RBFOX1: variants seen among roughly 807,000 people sequenced by gnomAD.
RBFOX1 encodes the protein RNA binding protein fox-1 homolog 1.
In RBFOX1, 8 loss-of-function variants were observed where a neutral mutation model predicts 57.7. That is an observed-to-expected ratio of 0.14 (90% CI 0.08 to 0.25). The LOEUF (loss-of-function observed/expected upper bound fraction) is 0.25, where lower values mean the gene tolerates loss of function less well. Ranked by LOEUF, RBFOX1 falls within the 10% of genes least tolerant of loss-of-function variation. RBFOX1 has a pLI of 1.00. For missense variants in RBFOX1, 611 were observed against 548.5 expected (o/e 1.11, Z -1.14); for synonymous variants, 326 against 222.4 (o/e 1.47, Z -4.15).
intron 4 of RBFOX1, among the ~76,000 whole-genome samples, chr16:7,297,354 G>C (rs1330855972): frequency 6.6e-6 from 1 of 152,164 alleles, no homozygotes; most frequent in East Asian, 1.9e-4. Flanking sequence ...ACATATGCAG[G>C]TTTCCAACCT....
At chr16:6,460,491 G>C (rs1363359703) in intron 2 of RBFOX1, among the ~76,000 whole-genome samples, 1 of 151,066 alleles carries the variant, frequency 6.6e-6, no homozygotes, top group East Asian at 1.9e-4. Context: ...AAACATATGA[G>C]AAAAAGCTCA....
intron 1 of RBFOX1, among the ~76,000 whole-genome samples, chr16:5,271,231 G>A (rs945288245): frequency 6.6e-6 from 1 of 152,100 alleles, no homozygotes; most frequent in Non-Finnish European, 1.5e-5. Context: ...GCATGTGCCT[G>A]TAGTCTCAGC....
chr16:6,404,884 A>G (rs1168185974), intron 2 of RBFOX1, among the ~76,000 whole-genome samples: 5 of 152,238 alleles, frequency 3.3e-5, no homozygotes, highest in African/African-American at 7.2e-5. Context: ...GATCCCCGAT[A>G]TGGAAGGAAG....
intron 2 of RBFOX1, among the ~76,000 whole-genome samples, chr16:6,510,589 G>C (rs903309354): frequency 2.6e-5 from 4 of 152,156 alleles, no homozygotes; most frequent in African/African-American, 9.7e-5. Flanking sequence ...GAGAAGTCGG[G>C]AGGATGAAAG....
chr16:6,748,764 T>C (rs1322959515), intron 3 of RBFOX1: 1 of 152,178 alleles, frequency 6.6e-6, no homozygotes, highest in East Asian at 1.9e-4. Flanking sequence ...CTTAGATGTA[T>C]GATGAATTCT....
intron 2 of RBFOX1, among the ~76,000 whole-genome samples, chr16:6,398,391 A>T (rs1293342421): frequency 6.6e-6 from 1 of 152,160 alleles, no homozygotes; most frequent in African/African-American, 2.4e-5. Flanking sequence ...TTCTTCCACC[A>T]TTAACCCAAA....
At chr16:6,812,401 C>G (rs527536145) in intron 3 of RBFOX1, among the ~76,000 whole-genome samples, 1 of 152,010 alleles carries the variant, frequency 6.6e-6, no homozygotes, top group South Asian at 2.1e-4. Flanking sequence ...GAGACGGAGT[C>G]TGGGTCTTGT....
chr16:6,488,631 T>G (rs189369048), intron 2 of RBFOX1, among the ~76,000 whole-genome samples: 1 of 152,320 alleles, frequency 6.6e-6, no homozygotes, highest in Non-Finnish European at 1.5e-5. Flanking sequence ...TGAAGTTTAT[T>G]AATCTGAGTT....
At chr16:6,918,205 C>T (rs896154652) in intron 3 of RBFOX1, among the ~76,000 whole-genome samples, 6 of 151,632 alleles carry the variant, frequency 4.0e-5, no homozygotes, top group Non-Finnish European at 8.8e-5. Context: ...TCACTTGAAC[C>T]TGGGAGGTGG....
chr16:7,395,268 G>C (rs1376664850), intron 4 of RBFOX1, among the ~76,000 whole-genome samples: 1 of 152,056 alleles, frequency 6.6e-6, no homozygotes, highest in Non-Finnish European at 1.5e-5. Flanking sequence ...TTTTTACTGG[G>C]AGCCCCCAAC....
intron 4 of RBFOX1, among the ~76,000 whole-genome samples, chr16:7,180,967 G>A (rs561938955): frequency 2.6e-5 from 4 of 152,334 alleles, no homozygotes; most frequent in South Asian, 2.1e-4. Flanking sequence ...CAGCTTTGCA[G>A]TTGTAGAGAA....
At chr16:5,875,161 A>G (rs1306852111) in intron 4 of RBFOX1, among the ~76,000 whole-genome samples, 1 of 152,228 alleles carries the variant, frequency 6.6e-6, no homozygotes, top group Non-Finnish European at 1.5e-5. Flanking sequence ...GCCATCATTT[A>G]CCACATGTGA....
chr16:7,420,971 ATATG>A (rs2098537326), intron 4 of RBFOX1, among the ~76,000 whole-genome samples: 1 of 147,986 alleles, frequency 6.8e-6, no homozygotes. Context: ...ATATATATAT[ATATG>A]TAGTCCTGCG....
At chr16:7,697,334 C>T (rs980771123) in intron 14 of RBFOX1, among the ~76,000 whole-genome samples, 3 of 152,256 alleles carry the variant, frequency 2.0e-5, no homozygotes, top group South Asian at 4.1e-4. Flanking sequence ...ACTCCCCACT[C>T]TTGTTCTAAG....
At chr16:6,364,612 T>G (rs1298951928) in intron 2 of RBFOX1, among the ~76,000 whole-genome samples, 1 of 152,218 alleles carries the variant, frequency 6.6e-6, no homozygotes, top group Non-Finnish European at 1.5e-5. Context: ...GATGGAGACA[T>G]ATGGTCATAT....
chr16:6,958,365 C>T (rs151221647), intron 3 of RBFOX1, among the ~76,000 whole-genome samples: 3 of 152,232 alleles, frequency 2.0e-5, no homozygotes, highest in East Asian at 3.9e-4. Flanking sequence ...TTATCACCCA[C>T]CATTAGAAAA....
intron 3 of RBFOX1, among the ~76,000 whole-genome samples, chr16:6,878,693 G>C (rs909262026): frequency 3.9e-5 from 6 of 152,098 alleles, no homozygotes; most frequent in Non-Finnish European, 2.9e-5. Context: ...GCAAGAAACA[G>C]AAAGTAACAG....
At chr16:5,592,272 T>G (rs1445677943) in intron 2 of RBFOX1, among the ~76,000 whole-genome samples, 1 of 152,194 alleles carries the variant, frequency 6.6e-6, no homozygotes, top group Non-Finnish European at 1.5e-5. Context: ...TTTCTCAGAT[T>G]GCCCTTTGTC....
chr16:7,062,892 C>CCTT (rs1491558284), intron 4 of RBFOX1, among the ~76,000 whole-genome samples: 2 of 59,930 alleles, frequency 3.3e-5, no homozygotes, highest in Non-Finnish European at 6.6e-5. Flanking sequence ...AAATGATCGC[C>CCTT]ATTTTTTTTT....
Sources: allele counts gnomAD v4.1 joint callset (sites outside exome capture counted in the v4.1 genomes callset), GRCh38; gene constraint gnomAD v4.1.1; transcripts MANE v1.5; gene names NCBI Gene and HGNC (gene_info 2026-07-23, HGNC 2026-07-21).